The following SPRED2 variants were observed in gnomAD, a reference collection of about 807,000 sequenced individuals.
SPRED2 encodes sprouty related EVH1 domain containing 2.
In SPRED2, 47 loss-of-function variants were observed where a neutral mutation model predicts 43.0. The observed-to-expected ratio is 1.09, with a 90% CI of 0.87 to 1.40. The LOEUF is 1.40. Ranked by LOEUF, SPRED2 falls within the 40% of genes most tolerant of loss-of-function variation. The pLI, the probability that SPRED2 is intolerant of heterozygous loss-of-function variation, is 0.00. For synonymous variants in SPRED2, 225 were observed against 225.7 expected (o/e 1.00, Z 0.03); for missense variants, 561 against 586.4 (o/e 0.96, Z 0.45).
chr2:65,352,769 G>A (rs987640577), intron 1 of SPRED2, among the ~76,000 whole-genome samples: 2 of 152,042 alleles, frequency 1.3e-5, no homozygotes, highest in Admixed American at 6.6e-5. Context: ...GATTACAGGC[G>A]TGCTCCAACA....
At chr2:65,424,529 A>AGATG (rs757727304) in intron 1 of SPRED2, among the ~76,000 whole-genome samples, 1 of 152,136 alleles carries the variant, frequency 6.6e-6, no homozygotes, top group Non-Finnish European at 1.5e-5. Flanking sequence ...TGGGAGGCTG[A>AGATG]GATGGGAGCA....
chr2:65,356,597 C>T (rs1010234592), intron 1 of SPRED2, among the ~76,000 whole-genome samples: 2 of 143,878 alleles, frequency 1.4e-5, no homozygotes, highest in African/African-American at 5.3e-5. Context: ...GCCCTCTACC[C>T]CAAAGAAAAC....
At chr2:65,401,973 A>ACC (rs755063016) in intron 1 of SPRED2, among the ~76,000 whole-genome samples, 10,307 of 148,420 alleles carry the variant, frequency 0.069, 534 homozygotes, top group Non-Finnish European at 0.1. Flanking sequence ...ACACACACAC[A>ACC]CCTGTTAATT....
chr2:65,337,107 CA>C (rs200290705), intron 2 of SPRED2, among the ~76,000 whole-genome samples: 53 of 146,404 alleles, frequency 3.6e-4, no homozygotes, highest in Admixed American at 1.6e-3. Context: ...GACTCTGTCT[CA>C]AAAAAAAAAT....
intron 1 of SPRED2, among the ~76,000 whole-genome samples, chr2:65,391,125 C>T (rs1255558275): frequency 1.3e-5 from 2 of 150,628 alleles, no homozygotes; most frequent in East Asian, 3.9e-4. Flanking sequence ...GACTACCACA[C>T]AGGCCCCATG....
intron 1 of SPRED2, among the ~76,000 whole-genome samples, chr2:65,369,801 GTAGTA>G (rs1287656096): frequency 2.6e-5 from 4 of 152,228 alleles, no homozygotes; most frequent in African/African-American, 9.6e-5. Context: ...ATTCCAAGGA[GTAGTA>G]TAGCTTGCTG....
At chr2:65,345,085 T>C (rs74730796) in intron 1 of SPRED2, among the ~76,000 whole-genome samples, 189 bp from the exon 2 acceptor site, 1,810 of 152,140 alleles carry the variant, frequency 0.012, 31 homozygotes, top group African/African-American at 0.04. Context: ...TTAAACTCAA[T>C]ATAAAAGTAC....
chr2:65,406,905 A>G (rs1322050182), intron 1 of SPRED2, among the ~76,000 whole-genome samples: 1 of 151,196 alleles, frequency 6.6e-6, no homozygotes, highest in African/African-American at 2.4e-5. Context: ...GGTCCAAGTT[A>G]CTGGACAGTG....
At chr2:65,426,866 T>C (rs1342963498) in intron 1 of SPRED2, among the ~76,000 whole-genome samples, 1 of 152,230 alleles carries the variant, frequency 6.6e-6, no homozygotes, top group East Asian at 1.9e-4. Context: ...GGGGACCAGC[T>C]TTAGTTAGAA....
intron 1 of SPRED2, among the ~76,000 whole-genome samples, chr2:65,413,677 G>T (rs923474628): frequency 1.3e-5 from 2 of 152,196 alleles, no homozygotes; most frequent in African/African-American, 4.8e-5. Flanking sequence ...GGGCCAGCCA[G>T]TGTGGTAAGA....
intron 1 of SPRED2, among the ~76,000 whole-genome samples, chr2:65,353,053 G>C (rs541795487): frequency 2.0e-5 from 3 of 152,320 alleles, no homozygotes; most frequent in African/African-American, 7.2e-5. Context: ...AGGAGGTGGC[G>C]GTGGTAGTCT....
At chr2:65,378,460 T>G (rs964674980) in intron 1 of SPRED2, among the ~76,000 whole-genome samples, 15 of 152,136 alleles carry the variant, frequency 9.9e-5, no homozygotes, top group Admixed American at 3.3e-4. Context: ...AGTGTGTGTG[T>G]GGGGCGGAGG....
Position 65,316,719 on chromosome 2 carries a change from AG to A in SPRED2, c.588+14del, listed in dbSNP as rs553849721. On this transcript the variant is annotated intron_variant, in intron 5 of 5. Transcript: ENST00000356388. ...ACCACCCTGATGCCCTCAGAGGAAC[AG>A]GGCTGCTGCTCACCTGATCGAGGTG... The A allele has an allele frequency of 4.9e-3, 7,883 of 1,602,582 alleles. 23 individuals are homozygous for A. The highest frequency in any genetic ancestry group is 6.0e-3 in the Non-Finnish European group (6,993 of 1,175,070).
intron 1 of SPRED2, among the ~76,000 whole-genome samples, chr2:65,371,360 A>G (rs1675121054): frequency 6.6e-6 from 1 of 152,238 alleles, no homozygotes. Context: ...AGCCTCAGCC[A>G]GCTGTTTGAA....
At chr2:65,372,912 T>C (rs1008074586) in intron 1 of SPRED2, among the ~76,000 whole-genome samples, 20 of 152,154 alleles carry the variant, frequency 1.3e-4, no homozygotes, top group Admixed American at 7.2e-4. Flanking sequence ...ATTCTAAGAA[T>C]AGTCTTAAGC....
chr2:65,397,021 C>G (rs1205678928), intron 1 of SPRED2, among the ~76,000 whole-genome samples: 2 of 152,084 alleles, frequency 1.3e-5, no homozygotes, highest in African/African-American at 2.4e-5. Context: ...TTGAGGAGGT[C>G]TGCCATATGC....
At chr2:65,367,696 T>C (rs1049116593) in intron 1 of SPRED2, among the ~76,000 whole-genome samples, 1 of 152,150 alleles carries the variant, frequency 6.6e-6, no homozygotes, top group African/African-American at 2.4e-5. Context: ...GGCGATCTGG[T>C]GATTGTTTCC....
chr2:65,370,876 C>T (rs1332649222), intron 1 of SPRED2, among the ~76,000 whole-genome samples: 2 of 152,176 alleles, frequency 1.3e-5, no homozygotes, highest in East Asian at 1.9e-4. Flanking sequence ...GCCATCCTCC[C>T]CTCCCCCGAA....
intron 1 of SPRED2, among the ~76,000 whole-genome samples, chr2:65,356,397 G>C (rs758270756): frequency 3.3e-5 from 5 of 152,160 alleles, no homozygotes; most frequent in Non-Finnish European, 5.9e-5. Flanking sequence ...ATAAATATTG[G>C]GAGAGTGAGA....
Sources: gnomAD v4.1 joint callset for allele counts (sites outside exome capture counted in the v4.1 genomes callset) on GRCh38, gnomAD v4.1.1 for gene constraint, MANE v1.5 for transcripts, NCBI Gene and HGNC (gene_info 2026-07-23, HGNC 2026-07-21) for gene names.